The following ACTR3C variants were observed in gnomAD, a reference collection of about 807,000 sequenced individuals.
ACTR3C encodes actin-related protein 3C.
In ACTR3C, 18 loss-of-function variants were observed where a neutral mutation model predicts 26.3. That is an observed-to-expected ratio of 0.68 (90% CI 0.47 to 1.01). The LOEUF (loss-of-function observed/expected upper bound fraction) is 1.01, where lower values mean the gene tolerates loss of function less well. Among genes scored for constraint, ACTR3C ranks in the 50% least tolerant of loss-of-function variants. ACTR3C has a pLI of 0.00. For missense variants in ACTR3C, 184 were observed against 250.7 expected (o/e 0.73, Z 1.80); for synonymous variants, 55 against 94.5 (o/e 0.58, Z 2.42).
chr7:150,013,735 C>T, the ACTR3C span, among the ~76,000 whole-genome samples: 5 of 152,298 alleles, frequency 3.3e-5, no homozygotes, highest in South Asian at 4.1e-4. Context: ...AGACCTCAGT[C>T]ATGCTGAAGA....
the ACTR3C span, among the ~76,000 whole-genome samples, chr7:150,092,243 TGCTAGTCCCTGTGGTAATACA>T: frequency 1.6e-5 from 2 of 122,032 alleles, 1 homozygote; most frequent in African/African-American, 5.8e-5. Context: ...AAACCTATGT[TGCTAGTCCCTGTGGTAATACA>T]GCATGCTCAA....
chr7:150,105,248 A>G, the ACTR3C span, among the ~76,000 whole-genome samples: 1 of 151,520 alleles, frequency 6.6e-6, no homozygotes, highest in Non-Finnish European at 1.5e-5. Context: ...ACCCCTGGCT[A>G]ATTTTTTATA....
chr7:149,955,207 G>C, the ACTR3C span, among the ~76,000 whole-genome samples: 167 of 152,380 alleles, frequency 1.1e-3, 2 homozygotes, highest in African/African-American at 3.7e-3. Context: ...CCATCTGCAT[G>C]AGCTGCGTGG....
chr7:150,111,733 G>C, the ACTR3C span, among the ~76,000 whole-genome samples: 5 of 133,568 alleles, frequency 3.7e-5, no homozygotes, highest in Non-Finnish European at 6.3e-5. Flanking sequence ...AGCACCTCGC[G>C]GGCGCTGTCC....
At chr7:150,004,355 CATAGCT>C in the ACTR3C span, 1 of 151,984 alleles carries the variant, frequency 6.6e-6, no homozygotes, top group Admixed American at 6.6e-5. Context: ...TCAGCATAGC[CATAGCT>C]CTTGCACAAG....
the ACTR3C span, among the ~76,000 whole-genome samples, chr7:150,152,337 T>A: frequency 6.6e-6 from 1 of 151,928 alleles, no homozygotes; most frequent in East Asian, 1.9e-4. Context: ...TTATTGAGAG[T>A]TTTTAGCATG....
chr7:150,207,616 A>T, the ACTR3C span, among the ~76,000 whole-genome samples: 3 of 149,812 alleles, frequency 2.0e-5, no homozygotes, highest in South Asian at 2.1e-4. Context: ...TCCTCAGTCA[A>T]AAAAAAGGGG....
chr7:150,111,868 C>T, the ACTR3C span, among the ~76,000 whole-genome samples: 1 of 148,892 alleles, frequency 6.7e-6, no homozygotes, highest in African/African-American at 2.6e-5. Context: ...TAATGACCTG[C>T]GAAGCCCCCT....
At chr7:150,003,594 G>A in the ACTR3C span, among the ~76,000 whole-genome samples, 14 of 152,298 alleles carry the variant, frequency 9.2e-5, no homozygotes, top group Admixed American at 7.8e-4. Flanking sequence ...GGTATGTAGT[G>A]TGTGGTATGT....
the ACTR3C span, among the ~76,000 whole-genome samples, chr7:149,945,107 G>A: frequency 4.6e-5 from 7 of 151,954 alleles, no homozygotes; most frequent in African/African-American, 1.7e-4. Flanking sequence ...GGCTGAGGCG[G>A]GGCTGTGGGG....
the ACTR3C span, among the ~76,000 whole-genome samples, chr7:149,903,796 G>A: frequency 6.8e-6 from 1 of 146,470 alleles, no homozygotes; most frequent in African/African-American, 2.5e-5. Flanking sequence ...CTCCCACCTC[G>A]GCCTACCAAA....
chr7:150,039,979 T>C, the ACTR3C span, among the ~76,000 whole-genome samples: 2 of 131,468 alleles, frequency 1.5e-5, 1 homozygote, highest in African/African-American at 5.8e-5. Flanking sequence ...CTCGCGGGGA[T>C]TGCCTCCCCC....
chr7:150,083,128 T>A, the ACTR3C span, among the ~76,000 whole-genome samples: 1 of 151,008 alleles, frequency 6.6e-6, no homozygotes, highest in African/African-American at 2.4e-5. Context: ...TGAATTTTCT[T>A]TTTTTGTAGA....
the ACTR3C span, among the ~76,000 whole-genome samples, chr7:150,191,628 C>T: frequency 6.6e-6 from 1 of 152,020 alleles, no homozygotes. Flanking sequence ...TCGGGTTTTG[C>T]CATGTAGAAA....
chr7:150,302,561 AGTATAATATTGGGT>A (rs1169509374), intron 1 of ACTR3C, among the ~76,000 whole-genome samples: 3 of 152,024 alleles, frequency 2.0e-5, no homozygotes, highest in African/African-American at 7.3e-5. Flanking sequence ...GGAAATGAGG[AGTATAATATTGGGT>A]GTAAAATCAT....
chr7:150,174,752 A>G, the ACTR3C span, among the ~76,000 whole-genome samples: 2 of 147,418 alleles, frequency 1.4e-5, no homozygotes, highest in African/African-American at 2.7e-5. Flanking sequence ...GCCTTTTCAC[A>G]AAGAAAACTA....
At chr7:150,126,102 A>T in the ACTR3C span, among the ~76,000 whole-genome samples, 1 of 152,342 alleles carries the variant, frequency 6.6e-6, no homozygotes, top group African/African-American at 2.4e-5. Flanking sequence ...ATGAGACTAG[A>T]TGTGAAACAA....
chr7:150,228,585 G>A, the ACTR3C span, among the ~76,000 whole-genome samples: 46 of 152,124 alleles, frequency 3.0e-4, no homozygotes, highest in African/African-American at 1.1e-3. Flanking sequence ...CTGATTATTT[G>A]ATGATGAAGA....
At chr7:150,034,180 A>G in the ACTR3C span, among the ~76,000 whole-genome samples, 1 of 151,966 alleles carries the variant, frequency 6.6e-6, no homozygotes, top group East Asian at 1.9e-4. Context: ...TTGCCCAAGA[A>G]TCAGCTTATT....
Sources: allele counts gnomAD v4.1 joint callset (sites outside exome capture counted in the v4.1 genomes callset), GRCh38; gene constraint gnomAD v4.1.1; transcripts MANE v1.5; gene names NCBI Gene and HGNC (gene_info 2026-07-23, HGNC 2026-07-21).